Variants in PDE1C observed in about 807,000 individuals in gnomAD.
PDE1C encodes dual specificity calcium/calmodulin-dependent 3',5'-cyclic nucleotide phosphodiesterase 1C.
PDE1C carries 62 observed loss-of-function variants against 93.1 expected under a neutral mutation model. That is an observed-to-expected ratio of 0.67 (90% CI 0.54 to 0.82). The LOEUF is 0.82. Ranked by LOEUF, PDE1C falls within the 40% of genes least tolerant of loss-of-function variation. The pLI is 0.00. For missense variants in PDE1C, 742 were observed against 884.6 expected, an observed-to-expected ratio of 0.84 and a Z score of 2.04; for synonymous variants, 325 against 310.1, an observed-to-expected ratio of 1.05 and a Z score of -0.50.
At chr7:32,349,775 G>A (rs182131694) in intron 1 of PDE1C, among the ~76,000 whole-genome samples, 3 of 152,126 alleles carry the variant, frequency 2.0e-5, no homozygotes, top group South Asian at 2.1e-4. Context: ...GACTGCAGGC[G>A]CATGCCACCA....
chr7:32,048,444 T>C lies in PDE1C; in HGVS notation c.128+3110A>G, dbSNP rs541394437. On this transcript the variant is annotated intron_variant, in intron 2 of 17. Transcript: ENST00000396191. ...GTGCAATTGCCCTGAGCCCACCATGTAGTAAGAAGCCCAAGCCAGATGGAA... is the reference window on the plus strand; with the variant it reads ...GTGCAATTGCCCTGAGCCCACCATGCAGTAAGAAGCCCAAGCCAGATGGAA... Among the ~76,000 whole-genome samples the C allele has an allele frequency of 1.2e-4, 18 of 151,852 alleles. No homozygotes were observed. The South Asian group carries it at 3.8e-3, about 32-fold the overall frequency.
the PDE1C span, among the ~76,000 whole-genome samples, chr7:31,640,940 G>A: frequency 1.3e-5 from 2 of 152,168 alleles, no homozygotes; most frequent in African/African-American, 4.8e-5. Flanking sequence ...ATTAAAGAGT[G>A]TGGAGTTTAT....
chr7:32,002,165 TCAA>T (rs1375988128), intron 2 of PDE1C, among the ~76,000 whole-genome samples: 2 of 152,158 alleles, frequency 1.3e-5, no homozygotes, highest in Non-Finnish European at 2.9e-5. Context: ...CTAAAACAGG[TCAA>T]CAACACTATT....
chr7:32,211,985 C>A (rs1806067874), intron 1 of PDE1C, among the ~76,000 whole-genome samples: 1 of 140,238 alleles, frequency 7.1e-6, no homozygotes, highest in African/African-American at 2.7e-5. Context: ...GTGATCAAAC[C>A]ACTGCACTCC....
chr7:32,046,072 T>C (rs1418530066), intron 2 of PDE1C, among the ~76,000 whole-genome samples: 1 of 152,184 alleles, frequency 6.6e-6, no homozygotes, highest in East Asian at 1.9e-4. Flanking sequence ...ACATAACTCC[T>C]TGCTTTGCCT....
intron 1 of PDE1C, among the ~76,000 whole-genome samples, chr7:32,310,611 CT>C (rs540686006): frequency 1.3e-5 from 2 of 152,112 alleles, no homozygotes; most frequent in South Asian, 4.1e-4. Context: ...CTCAAAACTG[CT>C]CAACTACATG....
At chr7:32,377,944 A>G (rs1784461575) in intron 1 of PDE1C, among the ~76,000 whole-genome samples, 1 of 152,214 alleles carries the variant, frequency 6.6e-6, no homozygotes, top group South Asian at 2.1e-4. Context: ...GGTGCACAAG[A>G]GTCCACAAAG....
chr7:32,230,740 T>C (rs1298244530), intron 1 of PDE1C, among the ~76,000 whole-genome samples: 1 of 152,078 alleles, frequency 6.6e-6, no homozygotes, highest in Non-Finnish European at 1.5e-5. Flanking sequence ...TTAGGAGCCA[T>C]GGAGGTAGAA....
At chr7:31,839,427 C>G (rs904126212) in intron 9 of PDE1C, among the ~76,000 whole-genome samples, 1 of 151,342 alleles carries the variant, frequency 6.6e-6, no homozygotes, top group Non-Finnish European at 1.5e-5. Flanking sequence ...GACACACACA[C>G]ACACACATAT....
the PDE1C span, among the ~76,000 whole-genome samples, chr7:31,698,217 G>C: frequency 6.6e-6 from 1 of 152,082 alleles, no homozygotes; most frequent in African/African-American, 2.4e-5. Flanking sequence ...GAAAAAAATT[G>C]AAAAAACAGC....
At chr7:32,117,768 T>C (rs1799065106) in intron 3 of PDE1C, among the ~76,000 whole-genome samples, 1 of 152,242 alleles carries the variant, frequency 6.6e-6, no homozygotes, top group Admixed American at 6.5e-5. Context: ...CACTTTTCTT[T>C]CCTGAATGAC....
At chr7:32,234,460 A>G (rs1389137859) in intron 1 of PDE1C, among the ~76,000 whole-genome samples, 6 of 152,008 alleles carry the variant, frequency 3.9e-5, no homozygotes, top group Admixed American at 2.0e-4. Flanking sequence ...GCAGACATTG[A>G]AAAGATAATA....
At chr7:32,207,038 C>G (rs1320234585) in intron 2 of PDE1C, among the ~76,000 whole-genome samples, 3 of 152,198 alleles carry the variant, frequency 2.0e-5, no homozygotes, top group African/African-American at 4.8e-5. Context: ...GGCAGATGCT[C>G]TAACTGAAGT....
intron 1 of PDE1C, among the ~76,000 whole-genome samples, chr7:32,211,283 T>G (rs1216349805): frequency 1.3e-5 from 2 of 152,128 alleles, no homozygotes; most frequent in African/African-American, 2.4e-5. Context: ...AAGATTTCCA[T>G]TTCAAAAAAA....
At chr7:31,621,946 G>A in the PDE1C span, among the ~76,000 whole-genome samples, 1 of 148,238 alleles carries the variant, frequency 6.7e-6, no homozygotes, top group Non-Finnish European at 1.5e-5. Context: ...AAAGGCAGGG[G>A]TTGCAATCCT....
At chr7:31,895,656 C>G (rs1420228667) in intron 2 of PDE1C, among the ~76,000 whole-genome samples, 1 of 150,526 alleles carries the variant, frequency 6.6e-6, no homozygotes, top group Non-Finnish European at 1.5e-5. Context: ...CCAATCTCAC[C>G]TTGAATTGTA....
chr7:32,077,830 A>G (rs900583378), intron 3 of PDE1C: 1 of 981,684 alleles, frequency 1.0e-6, no homozygotes, highest in Admixed American at 6.2e-5. Context: ...CGGCCTCCCA[A>G]AATGCTGGGA....
intron 16 of PDE1C, 70 bp downstream of exon 16, chr7:31,808,961 G>A (rs1787207556): frequency 1.2e-6 from 1 of 857,238 alleles, no homozygotes; most frequent in South Asian, 1.5e-5. Context: ...TCAATTTTGG[G>A]TATGATTCTA....
At chr7:32,236,629 G>A (rs1808102906) in intron 1 of PDE1C, among the ~76,000 whole-genome samples, 1 of 152,098 alleles carries the variant, frequency 6.6e-6, no homozygotes, top group African/African-American at 2.4e-5. Flanking sequence ...AGGCTATATA[G>A]GATGGCTAAG....
Sources: allele counts gnomAD v4.1 joint callset (sites outside exome capture counted in the v4.1 genomes callset), GRCh38; gene constraint gnomAD v4.1.1; transcripts MANE v1.5; gene names NCBI Gene and HGNC (gene_info 2026-07-23, HGNC 2026-07-21).